Variants in PTPRT observed in about 807,000 individuals in gnomAD.
The protein encoded by PTPRT is protein tyrosine phosphatase receptor type T.
Under a neutral mutation model 176.8 loss-of-function variants are expected in PTPRT, and 56 were observed. That is an observed-to-expected ratio of 0.32 (90% CI 0.26 to 0.40). The LOEUF is 0.40. Ranked by LOEUF, PTPRT falls within the 10% of genes least tolerant of loss-of-function variation. The probability of loss-of-function intolerance (pLI) is 1.00; values close to 1 mark genes in which losing one functional copy is unlikely to be tolerated. For missense variants in PTPRT, 1,540 were observed against 1,908.2 expected, an observed-to-expected ratio of 0.81 and a Z score of 3.60; for synonymous variants, 783 against 739.0, an observed-to-expected ratio of 1.06 and a Z score of -0.96.
intron 13 of PTPRT, among the ~76,000 whole-genome samples, chr20:42,254,005 C>G (rs771296791): frequency 6.6e-6 from 1 of 152,318 alleles, no homozygotes; most frequent in East Asian, 1.9e-4. Context: ...AAACCTGGTG[C>G]ACAAGGCATG....
At chr20:42,177,141 T>C (rs1161363699) in intron 16 of PTPRT, among the ~76,000 whole-genome samples, 1 of 152,214 alleles carries the variant, frequency 6.6e-6, no homozygotes, top group Non-Finnish European at 1.5e-5. Context: ...AATGTACATA[T>C]CTAGAGATCT....
At chr20:42,399,365 A>G (rs1042934484) in intron 9 of PTPRT, among the ~76,000 whole-genome samples, 4 of 152,228 alleles carry the variant, frequency 2.6e-5, no homozygotes, top group African/African-American at 9.6e-5. Flanking sequence ...TTTATCACCT[A>G]TGTAACCATA....
At chr20:42,843,994 T>C (rs940327964) in intron 2 of PTPRT, among the ~76,000 whole-genome samples, 5 of 152,172 alleles carry the variant, frequency 3.3e-5, no homozygotes, top group Non-Finnish European at 7.3e-5. Context: ...ATCGTAACAA[T>C]AGAAGATAAT....
chr20:42,832,787 C>A (rs1600806884), intron 2 of PTPRT, among the ~76,000 whole-genome samples: 7 of 105,808 alleles, frequency 6.6e-5, no homozygotes, highest in South Asian at 3.4e-4. Flanking sequence ...CAAAAGCCAA[C>A]TAATAGGATT....
At chr20:43,046,589 T>C (rs990194081) in intron 1 of PTPRT, among the ~76,000 whole-genome samples, 5 of 150,892 alleles carry the variant, frequency 3.3e-5, no homozygotes, top group Non-Finnish European at 5.9e-5. Flanking sequence ...TGGGCTAAGA[T>C]GGCTTGGACA....
intron 5 of PTPRT, among the ~76,000 whole-genome samples, chr20:42,764,347 G>C (rs546693258): frequency 1.7e-4 from 26 of 152,102 alleles, no homozygotes; most frequent in Non-Finnish European, 2.4e-4. Flanking sequence ...AGGCAACTAG[G>C]GGGTGGGGAG....
chr20:43,055,592 G>C (rs932404632), intron 1 of PTPRT, among the ~76,000 whole-genome samples: 3 of 152,146 alleles, frequency 2.0e-5, no homozygotes, highest in Non-Finnish European at 4.4e-5. Flanking sequence ...AAACGGTAGT[G>C]GAAGCACAAA....
At chr20:42,744,409 A>C (rs760879175) in intron 6 of PTPRT, among the ~76,000 whole-genome samples, 1 of 152,238 alleles carries the variant, frequency 6.6e-6, no homozygotes, top group Non-Finnish European at 1.5e-5. Context: ...TGACAAGAAA[A>C]AGATAATTGC....
intron 9 of PTPRT, among the ~76,000 whole-genome samples, chr20:42,358,157 C>A (rs909747363): frequency 9.4e-5 from 14 of 148,930 alleles, no homozygotes; most frequent in African/African-American, 3.4e-4. Context: ...AATAAATATA[C>A]CATGGCTATG....
chr20:42,077,238 C>T lies in PTPRT; in HGVS notation c.*3641G>A, dbSNP rs1011547262. ...CCCCTTCCATTCCCACAAAGAGAGG[C>T]CTACTGTGGCCTTCTAGAGGCCCAA... On this transcript the variant is annotated 3_prime_UTR_variant, in exon 31 of 31. Coordinates refer to ENST00000373187, the MANE Select transcript of PTPRT (RefSeq NM_007050.6). The T allele has an allele frequency of 5.4e-6, 1 of 186,026 alleles. No individual in the cohort carries two copies. The highest frequency in any genetic ancestry group is 2.3e-5 in the African/African-American group (1 of 42,690). The allele number at this position is 186,026 out of a possible 1,614,324, so 11.5% of individuals were successfully genotyped here. A position where few individuals can be genotyped will look rare whatever the true frequency, so the allele number is the denominator to read the frequency against.
chr20:42,866,778 A>T (rs1189810232), intron 2 of PTPRT, among the ~76,000 whole-genome samples: 2 of 152,160 alleles, frequency 1.3e-5, no homozygotes, highest in Non-Finnish European at 2.9e-5. Flanking sequence ...TGCCTCTGCC[A>T]CTTACGTGTG....
rs1176860294 is a variant in PTPRT, at chr20:42,877,233, C to A, written c.214+8574G>T. Among the ~76,000 whole-genome samples the A allele has an allele frequency of 2.0e-5, 3 of 152,116 alleles. No homozygotes were observed. The East Asian group carries it at 5.8e-4, about 29-fold the overall frequency. ...GCACAAACACCATGGCCAGACACCACCCCTACTACTGCACACCCCAATTCT... is the reference window on the plus strand; with the variant it reads ...GCACAAACACCATGGCCAGACACCAACCCTACTACTGCACACCCCAATTCT... On this transcript the variant is annotated intron_variant, in intron 2 of 30. Coordinates refer to ENST00000373187, the MANE Select transcript of PTPRT (RefSeq NM_007050.6).
chr20:42,517,473 T>A (rs562250681), intron 7 of PTPRT, among the ~76,000 whole-genome samples: 46 of 152,154 alleles, frequency 3.0e-4, no homozygotes, highest in African/African-American at 9.6e-4. Context: ...TTTGCCAATC[T>A]TTCTATTGTA....
At chr20:42,821,173 A>G (rs999187587) in intron 2 of PTPRT, among the ~76,000 whole-genome samples, 3 of 152,194 alleles carry the variant, frequency 2.0e-5, no homozygotes, top group Non-Finnish European at 4.4e-5. Context: ...TAAAATACTG[A>G]CAAACCAAAT....
chr20:42,849,853 C>T (rs2078438827), intron 2 of PTPRT, among the ~76,000 whole-genome samples: 1 of 152,168 alleles, frequency 6.6e-6, no homozygotes, highest in South Asian at 2.1e-4. Flanking sequence ...TCTCCAGATG[C>T]CTATGTCTAC....
intron 1 of PTPRT, among the ~76,000 whole-genome samples, chr20:42,953,933 A>T (rs1160041437): frequency 2.0e-5 from 3 of 152,170 alleles, no homozygotes; most frequent in Non-Finnish European, 4.4e-5. Flanking sequence ...CAGAATGGCC[A>T]TATATCCCAT....
chr20:42,565,957 C>A (rs2073032700), intron 7 of PTPRT, among the ~76,000 whole-genome samples: 1 of 152,082 alleles, frequency 6.6e-6, no homozygotes, highest in Non-Finnish European at 1.5e-5. Flanking sequence ...TTGCTCTCTC[C>A]CAAATTCACT....
chr20:42,622,201 A>C (rs751972996), intron 7 of PTPRT, among the ~76,000 whole-genome samples: 1 of 152,104 alleles, frequency 6.6e-6, no homozygotes, highest in Non-Finnish European at 1.5e-5. Flanking sequence ...GATTTGTGTA[A>C]TGCTAGCTTT....
intron 1 of PTPRT, among the ~76,000 whole-genome samples, chr20:42,927,299 C>T (rs973224552): frequency 2.0e-5 from 3 of 152,122 alleles, no homozygotes; most frequent in East Asian, 1.9e-4. Flanking sequence ...TGGTGGTGCA[C>T]GCCTGTAATC....
Sources: allele counts gnomAD v4.1 joint callset (sites outside exome capture counted in the v4.1 genomes callset), GRCh38; gene constraint gnomAD v4.1.1; transcripts MANE v1.5; gene names NCBI Gene and HGNC (gene_info 2026-07-23, HGNC 2026-07-21).